IGFL2: variants seen among roughly 807,000 people sequenced by gnomAD.
The protein encoded by IGFL2 is insulin growth factor-like family member 2.
Under a neutral mutation model 13.9 loss-of-function variants are expected in IGFL2, and 7 were observed. That is an observed-to-expected ratio of 0.51 (90% CI 0.29 to 0.95). The LOEUF (loss-of-function observed/expected upper bound fraction) is 0.95, where lower values mean the gene tolerates loss of function less well. Ranked by LOEUF, IGFL2 falls within the 40% of genes least tolerant of loss-of-function variation. The probability of loss-of-function intolerance (pLI) is 0.08; values close to 1 mark genes in which losing one functional copy is unlikely to be tolerated. For synonymous variants in IGFL2, 55 were observed against 55.8 expected, an observed-to-expected ratio of 0.99 and a Z score of 0.07; for missense variants, 138 against 147.8, an observed-to-expected ratio of 0.93 and a Z score of 0.34.
chr19:46,079,348 C>A, the IGFL2 span, among the ~76,000 whole-genome samples: 16 of 151,956 alleles, frequency 1.1e-4, no homozygotes, highest in Non-Finnish European at 1.8e-4. Flanking sequence ...GCTGCCGCTC[C>A]CCTCGTGGGC....
the IGFL2 span, among the ~76,000 whole-genome samples, chr19:46,172,468 A>T: frequency 6.6e-6 from 1 of 152,230 alleles, no homozygotes; most frequent in East Asian, 1.9e-4. Context: ...GAGCATAGGG[A>T]TTATGGAATG....
the IGFL2 span, among the ~76,000 whole-genome samples, chr19:46,115,096 C>T: frequency 6.6e-6 from 1 of 152,138 alleles, no homozygotes; most frequent in Admixed American, 6.5e-5. Context: ...GACCAGTGTC[C>T]TAGAATATTT....
At chr19:46,091,839 C>T in the IGFL2 span, among the ~76,000 whole-genome samples, 1 of 152,018 alleles carries the variant, frequency 6.6e-6, no homozygotes, top group Admixed American at 6.5e-5. Context: ...AATACAAAAG[C>T]ATTTTTAAAA....
chr19:46,115,933 C>G, the IGFL2 span, among the ~76,000 whole-genome samples: 2 of 152,170 alleles, frequency 1.3e-5, no homozygotes, highest in African/African-American at 4.8e-5. Flanking sequence ...GGCTCGCCGG[C>G]TGACAGCTTC....
chr19:46,160,199 C>T, intron 1 of IGFL2: 2 of 570,626 alleles, frequency 3.5e-6, no homozygotes, highest in East Asian at 2.9e-5. Context: ...AAGAGTTTTC[C>T]CTGCATTCTC....
At chr19:46,132,008 G>A in the IGFL2 span, among the ~76,000 whole-genome samples, 9 of 152,134 alleles carry the variant, frequency 5.9e-5, no homozygotes, top group Non-Finnish European at 8.8e-5. Context: ...TAGTATTAAC[G>A]TAGCAGAAAT....
chr19:46,192,595 T>C, the IGFL2 span, among the ~76,000 whole-genome samples: 106 of 152,012 alleles, frequency 7.0e-4, no homozygotes, highest in Middle Eastern at 3.4e-3. Context: ...AACTTTTGTA[T>C]TTTTAGTAGA....
the IGFL2 span, chr19:46,113,037 G>A: frequency 6.6e-6 from 1 of 152,338 alleles, no homozygotes; most frequent in African/African-American, 2.4e-5. Context: ...CTATTTGGGT[G>A]CACCCATAGG....
At chr19:46,113,258 T>C in the IGFL2 span, 3,240 of 225,020 alleles carry the variant, frequency 0.014, 50 homozygotes, top group Non-Finnish European at 0.021. Flanking sequence ...GAAGACCTAG[T>C]ACTCACTATC....
the IGFL2 span, among the ~76,000 whole-genome samples, chr19:46,129,757 G>C: frequency 1.3e-5 from 2 of 152,130 alleles, no homozygotes; most frequent in Non-Finnish European, 2.9e-5. Flanking sequence ...TTTTGTGTTT[G>C]CTGAGGAGTG....
At chr19:46,088,967 T>C in the IGFL2 span, among the ~76,000 whole-genome samples, 1 of 152,232 alleles carries the variant, frequency 6.6e-6, no homozygotes. Flanking sequence ...AAGGCGCTAA[T>C]GTAGACTCTG....
chr19:46,130,551 A>G, the IGFL2 span, among the ~76,000 whole-genome samples: 2 of 152,146 alleles, frequency 1.3e-5, no homozygotes, highest in Non-Finnish European at 2.9e-5. Flanking sequence ...ATGTTTATAA[A>G]CTGGTTACTT....
intron 1 of IGFL2, among the ~76,000 whole-genome samples, chr19:46,150,464 T>G (rs1973417229): frequency 6.6e-6 from 1 of 152,220 alleles, no homozygotes; most frequent in Non-Finnish European, 1.5e-5. Context: ...AAGACTTACT[T>G]GTATGTTTTC....
the IGFL2 span, among the ~76,000 whole-genome samples, chr19:46,096,878 T>A: frequency 6.6e-6 from 1 of 152,172 alleles, no homozygotes; most frequent in Non-Finnish European, 1.5e-5. Flanking sequence ...CCAGCTTGAT[T>A]GTGGTGGATA....
chr19:46,170,716 G>T, the IGFL2 span, among the ~76,000 whole-genome samples: 5 of 152,276 alleles, frequency 3.3e-5, no homozygotes, highest in Admixed American at 2.6e-4. Flanking sequence ...CACTCTGGGG[G>T]TGTCTGCCTT....
the IGFL2 span, among the ~76,000 whole-genome samples, chr19:46,137,967 T>C: frequency 0.012 from 1,755 of 152,382 alleles, 11 homozygotes; most frequent in Non-Finnish European, 0.018. Context: ...TTTGACTTTC[T>C]ACTTAAATCT....
At chr19:46,194,134 G>A in the IGFL2 span, among the ~76,000 whole-genome samples, 1 of 152,114 alleles carries the variant, frequency 6.6e-6, no homozygotes, top group Non-Finnish European at 1.5e-5. Context: ...GGTAGGGCCT[G>A]GAGTGCATTG....
At chr19:46,133,967 C>A in the IGFL2 span, among the ~76,000 whole-genome samples, 1 of 152,174 alleles carries the variant, frequency 6.6e-6, no homozygotes, top group Non-Finnish European at 1.5e-5. Context: ...CCTGATGACT[C>A]CCTGAAAAGA....
At chr19:46,138,514 G>A (rs2080619), upstream of IGFL2, among the ~76,000 whole-genome samples, 2 of 152,060 alleles carry the variant, frequency 1.3e-5, no homozygotes, top group East Asian at 1.9e-4. Flanking sequence ...CTGGTGGTGG[G>A]GGAGCATTGA....
Sources: gnomAD v4.1 joint callset for allele counts (sites outside exome capture counted in the v4.1 genomes callset) on GRCh38, gnomAD v4.1.1 for gene constraint, MANE v1.5 for transcripts, NCBI Gene and HGNC (gene_info 2026-07-23, HGNC 2026-07-21) for gene names.